STIL: variants seen among roughly 807,000 people sequenced by gnomAD.
STIL encodes SCL-interrupting locus protein.
STIL carries 55 observed loss-of-function variants against 110.1 expected under a neutral mutation model. That is an observed-to-expected ratio of 0.50 (90% CI 0.40 to 0.63). The LOEUF is 0.63. STIL is among the 20% of genes least tolerant of loss of function. The probability of loss-of-function intolerance (pLI) is 0.00; values close to 1 mark genes in which losing one functional copy is unlikely to be tolerated. For missense variants in STIL, 1,358 were observed against 1,530.0 expected (o/e 0.89, Z 1.87); for synonymous variants, 481 against 530.0 (o/e 0.91, Z 1.27).
chr1:47,305,042 T>C, intron 2 of STIL, 46 bp from the exon 3 acceptor site: 2 of 1,365,062 alleles, frequency 1.5e-6, no homozygotes, highest in Non-Finnish European at 1.0e-6. Flanking sequence ...AATAGCAAAC[T>C]TGGTAGACAT....
At chr1:47,275,607 C>CAATA (rs1287236433) in intron 12 of STIL, among the ~76,000 whole-genome samples, 49 of 151,378 alleles carry the variant, frequency 3.2e-4, no homozygotes, top group Non-Finnish European at 5.9e-4. Context: ...GACTCCATCT[C>CAATA]AATAAATAAA....
chr1:47,252,128 C>T (rs936170890), intron 16 of STIL, among the ~76,000 whole-genome samples: 5 of 152,240 alleles, frequency 3.3e-5, no homozygotes, highest in Admixed American at 6.5e-5. Context: ...AGCCTCCAAT[C>T]CCAGCAGATT....
intron 16 of STIL, among the ~76,000 whole-genome samples, chr1:47,253,646 T>C (rs747512293): frequency 6.6e-6 from 1 of 152,170 alleles, no homozygotes; most frequent in Non-Finnish European, 1.5e-5. Context: ...TACTGTACTA[T>C]ATTCAGTAAC....
At chr1:47,312,229 G>A (rs1646146496) in intron 1 of STIL, among the ~76,000 whole-genome samples, 1 of 151,408 alleles carries the variant, frequency 6.6e-6, no homozygotes, top group Admixed American at 6.6e-5. Context: ...GGTAGCTCAC[G>A]CCTGTAATCC....
At chr1:47,291,222 A>G (rs3125625) in intron 8 of STIL, among the ~76,000 whole-genome samples, 87,956 of 151,772 alleles carry the variant, frequency 0.58, 27,671 homozygotes, top group African/African-American at 0.84. Context: ...TTAGCCGGGC[A>G]TGGTGGCACA....
In STIL at chr1:47,293,506, A is replaced by G; in HGVS notation, c.824T>C (p.Val275Ala). The change falls in exon 8 of 17, where the codon GTA (valine) becomes GCA (alanine). Residue 275 changes from valine to alanine, a missense_variant. Coordinates refer to ENST00000371877, the MANE Select transcript of STIL (RefSeq NM_001048166.1). ...TATGTATCGCAAACAGCAAGCCCATACCTGAGGACTATAGATATGTGTAAT... is the reference window on the plus strand; with the variant it reads ...TATGTATCGCAAACAGCAAGCCCATGCCTGAGGACTATAGATATGTGTAAT... ...SGITHIYSPQ[V>A]WACCLRYIFN... 1.9e-6 allele frequency: 3 copies of G among 1,613,424 alleles called. No homozygotes were observed. The highest frequency in any genetic ancestry group is 1.7e-6 in the Non-Finnish European group (2 of 1,179,584).
intron 2 of STIL, among the ~76,000 whole-genome samples, chr1:47,307,925 C>T (rs1646011181): frequency 6.6e-6 from 1 of 152,166 alleles, no homozygotes; most frequent in South Asian, 2.1e-4. Flanking sequence ...ACTCCAGTCT[C>T]CCATAGCGCT....
At position 47,266,886 on chromosome 1, in the gene STIL, A is replaced by G. The variant is rs77780738; in HGVS notation, c.2615+2749T>C. 5.8e-3 allele frequency among the ~76,000 whole-genome samples: 880 copies of G among 152,326 alleles called. 8 individuals are homozygous for G. Among genetic ancestry groups the G allele is most frequent in the African/African-American group, 0.02 (827 of 41,578 alleles). ...ACTAGCTTTAATGAGCATGCAATAAATTAAAAAATCTTTTCTATATCCTAC... is the reference window on the plus strand; with the variant it reads ...ACTAGCTTTAATGAGCATGCAATAAGTTAAAAAATCTTTTCTATATCCTAC... On this transcript the variant is annotated intron_variant, in intron 14 of 16. Transcript: ENST00000371877.
intron 5 of STIL, among the ~76,000 whole-genome samples, chr1:47,300,444 C>A (rs1299822278): frequency 6.6e-6 from 1 of 151,494 alleles, no homozygotes; most frequent in African/African-American, 2.4e-5. Flanking sequence ...TAAATATTTA[C>A]CACATGGGAA....
intron 12 of STIL, among the ~76,000 whole-genome samples, chr1:47,279,428 G>A (rs896409967): frequency 5.3e-5 from 8 of 151,982 alleles, no homozygotes; most frequent in African/African-American, 1.5e-4. Flanking sequence ...TTTTGGGGTA[G>A]GTATGTGGAG....
chr1:47,307,182 A>G (rs1200790497), intron 2 of STIL, among the ~76,000 whole-genome samples: 1 of 152,130 alleles, frequency 6.6e-6, no homozygotes, highest in Non-Finnish European at 1.5e-5. Flanking sequence ...TTAGCTGGAC[A>G]TGGTGGCACA....
chr1:47,296,978 CAAT>C (rs895006645), intron 6 of STIL, among the ~76,000 whole-genome samples: 50 of 152,326 alleles, frequency 3.3e-4, no homozygotes, highest in African/African-American at 1.2e-3. Context: ...TACAAATCAA[CAAT>C]GACACAGCTG....
chr1:47,292,068 C>T (rs561669158), intron 8 of STIL, among the ~76,000 whole-genome samples: 8 of 149,892 alleles, frequency 5.3e-5, no homozygotes, highest in African/African-American at 1.7e-4. Context: ...TGCTATGGTA[C>T]CCAGGCTGGT....
Position 47,304,963 on chromosome 1 carries a change from A to G in STIL, c.78T>C (p.Phe26=). Reference sequence around the variant, plus strand: ...TCCAAAGTGCACATTTTGATGGAGGAAAGTGGAAAGGTACCATCCTGCTTG... The same window carrying G: ...TCCAAAGTGCACATTTTGATGGAGGGAAGTGGAAAGGTACCATCCTGCTTG... ...FPSSRMVPFH[F]PPSKCALWNP... is the part of the protein sequence containing the mutation. The change falls in exon 3 of 17, where the codon TTT becomes TTC. Residue 26 remains phenylalanine, a synonymous_variant. Transcript: ENST00000371877. 6.2e-7 allele frequency: 1 copy of G among 1,614,022 alleles called. No individual in the cohort carries two copies. Among genetic ancestry groups the G allele is most frequent in the Non-Finnish European group, 8.5e-7 (1 of 1,179,978 alleles).
In STIL at chr1:47,305,239, C is replaced by G. The variant is rs866626802; in HGVS notation, c.45-243G>C. On this transcript the variant is annotated intron_variant, in intron 2 of 16. Transcript: ENST00000371877. ...CTCCTGGGTTCAAGCAATTCCCCTGCCTGAGCTTCCTGAGTAGCTGAGATT... is the reference window on the plus strand; with the variant it reads ...CTCCTGGGTTCAAGCAATTCCCCTGGCTGAGCTTCCTGAGTAGCTGAGATT... 77 of 389,842 alleles carry G rather than the reference C, an allele frequency of 2.0e-4. No homozygotes were observed. In the Middle Eastern group the frequency reaches 2.4e-3, roughly 12 times the overall value. The allele number at this position is 389,842 out of a possible 1,614,324, so 24.1% of individuals were successfully genotyped here.
intron 12 of STIL, among the ~76,000 whole-genome samples, chr1:47,276,159 G>A (rs984976207): frequency 7.9e-5 from 12 of 151,688 alleles, no homozygotes; most frequent in African/African-American, 2.2e-4. Context: ...CCACTACCAC[G>A]CCCAGGTAAT....
chr1:47,281,250 G>T lies in STIL; in HGVS notation c.1249-41C>A, dbSNP rs781631142. Reference sequence around the variant, plus strand: ...AAATAGAAAAAAAAAGTATTTTTTTGGAGAAACTGTATACTTTACTTTCCT... The same window carrying T: ...AAATAGAAAAAAAAAGTATTTTTTTTGAGAAACTGTATACTTTACTTTCCT... On this transcript the variant is annotated intron_variant, in intron 11 of 16. Coordinates refer to ENST00000371877, the MANE Select transcript of STIL (RefSeq NM_001048166.1). 3.8e-6 allele frequency: 6 copies of T among 1,575,254 alleles called. No homozygotes were observed. The Admixed American group carries it at 7.1e-5, about 19-fold the overall frequency.
At chr1:47,259,169 GT>G (rs1285250863) in intron 16 of STIL, among the ~76,000 whole-genome samples, 6 of 150,752 alleles carry the variant, frequency 4.0e-5, no homozygotes, top group African/African-American at 1.5e-4. Flanking sequence ...TGTATTTTTA[GT>G]AGAGACGGGG....
At chr1:47,314,573 CAAAAGACAAGAAAGTT>C (rs1286575900), upstream of STIL, among the ~76,000 whole-genome samples, 5 of 152,202 alleles carry the variant, frequency 3.3e-5, no homozygotes, top group Non-Finnish European at 5.9e-5. Flanking sequence ...CCTGAAAGCA[CAAAAGACAAGAAAGTT>C]AGAGTTATTC....
Sources: gnomAD v4.1 joint callset for allele counts (sites outside exome capture counted in the v4.1 genomes callset) on GRCh38, gnomAD v4.1.1 for gene constraint, MANE v1.5 for transcripts, NCBI Gene and HGNC (gene_info 2026-07-23, HGNC 2026-07-21) for gene names.